UPB1: variants seen among roughly 807,000 people sequenced by gnomAD.
UPB1 encodes the protein beta-ureidopropionase 1, also known as beta-ureidopropionase.
A neutral mutation model predicts 49.1 loss-of-function variants in UPB1; 40 were observed. The observed-to-expected ratio is 0.81, with a 90% CI of 0.63 to 1.06. The LOEUF (loss-of-function observed/expected upper bound fraction) is 1.06, where lower values mean the gene tolerates loss of function less well. Ranked by LOEUF, UPB1 falls within the 50% of genes least tolerant of loss-of-function variation. UPB1 has a pLI of 0.00. For synonymous variants in UPB1, 207 were observed against 198.2 expected (o/e 1.04, Z -0.38); for missense variants, 499 against 505.9 (o/e 0.99, Z 0.13).
At chr22:24,521,295 A>G (rs1230295203) in intron 7 of UPB1, among the ~76,000 whole-genome samples, 7 of 151,762 alleles carry the variant, frequency 4.6e-5, no homozygotes, top group Admixed American at 2.0e-4. Context: ...CAGCCTGGCC[A>G]ACATGGAGAA....
chr22:24,499,314 G>A (rs1292707176), intron 1 of UPB1, among the ~76,000 whole-genome samples: 1 of 152,112 alleles, frequency 6.6e-6, no homozygotes, highest in Non-Finnish European at 1.5e-5. Context: ...TAATCATCTT[G>A]CGCTTAGATG....
intron 2 of UPB1, 91 bp from the exon 3 acceptor site, chr22:24,502,035 G>T: frequency 4.6e-6 from 6 of 1,302,610 alleles, no homozygotes; most frequent in Non-Finnish European, 6.7e-6. Context: ...GCCCAGGTGG[G>T]CATTGATTTT....
intron 3 of UPB1, chr22:24,503,093 T>G (rs1048347906): frequency 1.3e-5 from 2 of 152,466 alleles, no homozygotes; most frequent in African/African-American, 4.8e-5. Flanking sequence ...CTCACTATAT[T>G]GCTAGGCTGA....
intron 4 of UPB1, among the ~76,000 whole-genome samples, chr22:24,512,829 C>A (rs978580952): frequency 3.9e-5 from 6 of 152,172 alleles, no homozygotes; most frequent in Non-Finnish European, 8.8e-5. Flanking sequence ...AGCATAGTAT[C>A]ATCAAGGTTC....
chr22:24,514,013 A>G (rs2044251247), intron 5 of UPB1, among the ~76,000 whole-genome samples: 1 of 152,134 alleles, frequency 6.6e-6, no homozygotes, highest in African/African-American at 2.4e-5. Context: ...TCATGTGCCC[A>G]TGATCAGGGC....
At chr22:24,513,790 T>C (rs2044247616) in intron 5 of UPB1, among the ~76,000 whole-genome samples, 1 of 152,162 alleles carries the variant, frequency 6.6e-6, no homozygotes, top group Admixed American at 6.5e-5. Flanking sequence ...AAGTGGTATA[T>C]AAATTAAAAC....
intron 3 of UPB1, chr22:24,502,524 G>A: frequency 1.3e-6 from 1 of 779,978 alleles, no homozygotes; most frequent in Non-Finnish European, 2.4e-6. Flanking sequence ...GGTCTCCTGT[G>A]CCCTCCTGAC....
At position 24,522,013 on chromosome 22, in the gene UPB1, G is replaced by A; in HGVS notation, c.901G>A (p.Gly301Arg). The change falls in exon 8 of 10, where the codon GGA (glycine) becomes AGA (arginine). Residue 301 changes from glycine (G) to arginine (R), a missense_variant. Gly to Arg is a moderately radical substitution (Grantham distance 125, BLOSUM62 -2). Coordinates refer to ENST00000326010, the MANE Select transcript of UPB1 (RefSeq NM_016327.3). ...TEHFPNEFTS[G>R]DGKKAHQDFG... is the part of the protein sequence containing the mutation. ...GCACTTCCCGAACGAGTTTACCTCG[G>A]GAGATGGAAAGAAAGGTATGTCCCA... 6.2e-7 allele frequency: 1 copy of A among 1,614,092 alleles called. No individual in the cohort carries two copies. Among genetic ancestry groups the A allele is most frequent in the Non-Finnish European group, 8.5e-7 (1 of 1,180,014 alleles).
intron 1 of UPB1, among the ~76,000 whole-genome samples, chr22:24,498,544 T>A (rs1192084598): frequency 6.6e-6 from 1 of 152,020 alleles, no homozygotes; most frequent in Non-Finnish European, 1.5e-5. Context: ...TGGAGCGGCC[T>A]CTCCTGTATT....
chr22:24,524,165 G>T (rs548567162), intron 9 of UPB1, among the ~76,000 whole-genome samples: 1 of 152,282 alleles, frequency 6.6e-6, no homozygotes, highest in South Asian at 2.1e-4. Context: ...CTGCAGTCTA[G>T]GCCTTGACGA....
At chr22:24,509,465 A>G (rs1337833938) in intron 3 of UPB1, among the ~76,000 whole-genome samples, 1 of 151,442 alleles carries the variant, frequency 6.6e-6, no homozygotes, top group Admixed American at 6.6e-5. Flanking sequence ...GCCAGAGATC[A>G]TGAGAATAAG....
chr22:24,521,891 G>T (rs779668085), intron 7 of UPB1, 95 bp from the exon 8 acceptor site: 111 of 1,336,642 alleles, frequency 8.3e-5, no homozygotes, highest in Non-Finnish European at 1.1e-4. Flanking sequence ...CTCGCCTCTC[G>T]GCCTGATTGC....
chr22:24,506,393 G>A (rs1660525592), intron 3 of UPB1, among the ~76,000 whole-genome samples: 1 of 152,148 alleles, frequency 6.6e-6, no homozygotes, highest in South Asian at 2.1e-4. Flanking sequence ...ACCTTCAGAG[G>A]TACCTGGTGC....
intron 3 of UPB1, among the ~76,000 whole-genome samples, chr22:24,506,450 A>G (rs982270705): frequency 6.6e-6 from 1 of 152,216 alleles, no homozygotes; most frequent in African/African-American, 2.4e-5. Flanking sequence ...CTCTACTGCT[A>G]GCGGGACTCA....
At chr22:24,516,476 C>G (rs1055424777) in intron 6 of UPB1, 4 of 152,202 alleles carry the variant, frequency 2.6e-5, no homozygotes, top group African/African-American at 9.7e-5. Context: ...TAACAGAACT[C>G]TAGGAATTTA....
intron 3 of UPB1, among the ~76,000 whole-genome samples, chr22:24,508,009 C>T (rs1325927050): frequency 6.6e-6 from 1 of 152,150 alleles, no homozygotes; most frequent in African/African-American, 2.4e-5. Context: ...GGTTCAGACT[C>T]CCCTGGCCCC....
intron 8 of UPB1, 76 bp downstream of exon 8, chr22:24,522,104 T>A (rs2044405440): frequency 1.9e-6 from 3 of 1,545,960 alleles, no homozygotes; most frequent in Non-Finnish European, 2.7e-6. Flanking sequence ...CTTCCTCCAG[T>A]CAGGATCTGC....
Position 24,509,399 on chromosome 22 carries a change from A to G in UPB1, c.365-1350A>G, listed in dbSNP as rs551781115. 9.9e-5 allele frequency among the ~76,000 whole-genome samples: 14 copies of G among 142,100 alleles called. No homozygotes were observed. In the East Asian group the frequency reaches 2.7e-3, roughly 28 times the overall value. 93.2% of individuals were successfully genotyped at this position (142,100 alleles called of 152,430 possible). On this transcript the variant is annotated intron_variant, in intron 3 of 9. Transcript: ENST00000326010. The stretch of plus-strand genomic sequence containing the variant: ...AAAAAAAAAAAAAAAAAAAAAAAGC[A>G]AAAACCAATGAGTCGAATGAAATTT...
rs187793367 is a variant in UPB1, at chr22:24,496,073, A to G, written c.104+566A>G. Among the ~76,000 whole-genome samples the G allele has an allele frequency of 8.8e-4, 134 of 152,290 alleles. 1 individual carries two copies. In the East Asian group the frequency reaches 0.023, roughly 27 times the overall value. ...GTATACTGCTGGACACTGTGTCCAC[A>G]AAGCTGAAAAAGACACTTCCTGGCC... On this transcript the variant is annotated intron_variant, in intron 1 of 9. Coordinates refer to ENST00000326010, the MANE Select transcript of UPB1 (RefSeq NM_016327.3).
Sources: gnomAD v4.1 joint callset for allele counts (sites outside exome capture counted in the v4.1 genomes callset) on GRCh38, gnomAD v4.1.1 for gene constraint, MANE v1.5 for transcripts, NCBI Gene and HGNC (gene_info 2026-07-23, HGNC 2026-07-21) for gene names.